Variants in ADAMTSL1 observed in about 807,000 individuals in gnomAD.
ADAMTSL1 encodes the protein ADAMTS-like protein 1.
ADAMTSL1 carries 126 observed loss-of-function variants against 201.8 expected under a neutral mutation model. The observed-to-expected ratio is 0.62, with a 90% CI of 0.54 to 0.72. The LOEUF (loss-of-function observed/expected upper bound fraction) is 0.72. Among genes scored for constraint, ADAMTSL1 ranks in the 30% least tolerant of loss-of-function variants. The pLI is 0.00. For missense variants in ADAMTSL1, 2,679 were observed against 2,277.8 expected (o/e 1.18, Z -3.59); for synonymous variants, 1,121 against 903.4 (o/e 1.24, Z -4.32).
chr9:18,861,287 G>A (rs1827200388), intron 23 of ADAMTSL1, among the ~76,000 whole-genome samples: 2 of 152,206 alleles, frequency 1.3e-5, no homozygotes, highest in Admixed American at 6.5e-5. Context: ...ATTCAATCAA[G>A]TTATCAATTC....
intron 5 of ADAMTSL1, among the ~76,000 whole-genome samples, chr9:18,626,543 G>C: frequency 6.6e-6 from 1 of 152,220 alleles, no homozygotes. Flanking sequence ...GTTTCAAAAA[G>C]GCTAGAGAAA....
chr9:18,161,031 G>C (rs1261091538), intron 1 of ADAMTSL1, among the ~76,000 whole-genome samples: 1 of 151,546 alleles, frequency 6.6e-6, no homozygotes, highest in Non-Finnish European at 1.5e-5. Flanking sequence ...TTTTTGCCTT[G>C]ATATTACATA....
In ADAMTSL1 at chr9:18,649,161, T is replaced by C. The variant is rs190063116; in HGVS notation, c.835-8478T>C. Among the ~76,000 whole-genome samples, 467 of 152,376 alleles carry C rather than the reference T, an allele frequency of 3.1e-3. 3 individuals carry two copies. The highest frequency in any genetic ancestry group is 0.017 in the Middle Eastern group (5 of 294). Reference sequence around the variant, plus strand: ...TTTCATCTTCCCTGACTGATAACCTTTCTTCCAGTTGATTGCATCAGCTCC... The same window carrying C: ...TTTCATCTTCCCTGACTGATAACCTCTCTTCCAGTTGATTGCATCAGCTCC... On this transcript the variant is annotated intron_variant, in intron 7 of 28. Coordinates refer to ENST00000380548, the MANE Select transcript of ADAMTSL1 (RefSeq NM_001040272.6).
At chr9:18,566,859 C>T (rs1055569865) in intron 3 of ADAMTSL1, among the ~76,000 whole-genome samples, 6 of 152,124 alleles carry the variant, frequency 3.9e-5, no homozygotes, top group Admixed American at 1.3e-4. Context: ...ATTGCAAGAA[C>T]GCAGGCATGA....
chr9:18,680,472 A>C lies in ADAMTSL1; in HGVS notation c.1297A>C (p.Asn433His), dbSNP rs769841972. The change falls in exon 11 of 29, where the codon AAC becomes CAC. Residue 433 changes from asparagine (N) to histidine (H), a missense_variant. Coordinates refer to ENST00000380548, the MANE Select transcript of ADAMTSL1 (RefSeq NM_001040272.6). ...TAAGATGCCCATCGCGCAGCCCTGC[A>C]ACATTTTTGACTGCCCTAAATGGCT... ...TPKMPIAQPC[N>H]IFDCPKWLAQ... 1.2e-6 allele frequency: 2 copies of C among 1,614,164 alleles called. No homozygotes were observed. Among genetic ancestry groups the C allele is most frequent in the Non-Finnish European group, 1.7e-6 (2 of 1,180,018 alleles).
intron 2 of ADAMTSL1, among the ~76,000 whole-genome samples, chr9:18,199,058 A>G (rs941746565): frequency 1.4e-5 from 2 of 144,688 alleles, no homozygotes; most frequent in African/African-American, 2.5e-5. Context: ...GAATTGAACA[A>G]TGAGAACACA....
intron 1 of ADAMTSL1, among the ~76,000 whole-genome samples, chr9:17,926,446 T>G (rs1335116802): frequency 6.6e-6 from 1 of 151,974 alleles, no homozygotes; most frequent in East Asian, 1.9e-4. Context: ...TCACTGGGCG[T>G]ACTCAGGAAT....
intron 1 of ADAMTSL1, among the ~76,000 whole-genome samples, chr9:17,948,128 T>G (rs1440125825): frequency 2.0e-5 from 3 of 152,190 alleles, no homozygotes; most frequent in African/African-American, 7.2e-5. Context: ...ATATGAATTT[T>G]CAGTTTTTGA....
intron 1 of ADAMTSL1, among the ~76,000 whole-genome samples, chr9:18,040,060 G>A (rs1450614552): frequency 3.3e-5 from 5 of 152,244 alleles, no homozygotes; most frequent in Admixed American, 3.3e-4. Flanking sequence ...TGTCTGTTTT[G>A]TCATTTATTC....
chr9:18,457,467 C>T (rs1011351110), intron 2 of ADAMTSL1, among the ~76,000 whole-genome samples: 10 of 152,104 alleles, frequency 6.6e-5, no homozygotes, highest in Non-Finnish European at 1.0e-4. Context: ...GAGTGGCTGG[C>T]TAGGACTACA....
chr9:18,011,295 T>G (rs894338950), intron 1 of ADAMTSL1, among the ~76,000 whole-genome samples: 5 of 152,078 alleles, frequency 3.3e-5, no homozygotes, highest in African/African-American at 1.2e-4. Context: ...TCATAATCTT[T>G]GTCTCAAATA....
intron 2 of ADAMTSL1, among the ~76,000 whole-genome samples, chr9:18,314,041 C>G (rs1406564369): frequency 6.6e-6 from 1 of 152,072 alleles, no homozygotes; most frequent in African/African-American, 2.4e-5. Context: ...AAATGTTTCT[C>G]CAAGGACAAC....
intron 2 of ADAMTSL1, among the ~76,000 whole-genome samples, chr9:18,223,264 G>T (rs1014053992): frequency 6.6e-6 from 1 of 152,026 alleles, no homozygotes; most frequent in African/African-American, 2.4e-5. Context: ...GTCAATTTCA[G>T]ATTTGGGGGT....
chr9:18,620,016 T>C (rs1260531947), intron 4 of ADAMTSL1, among the ~76,000 whole-genome samples: 8 of 64,118 alleles, frequency 1.2e-4, no homozygotes, highest in African/African-American at 6.2e-4. Flanking sequence ...AGTTTTCTGA[T>C]TTTTTTTTTT....
chr9:18,860,012 T>A (rs945213698), intron 23 of ADAMTSL1, among the ~76,000 whole-genome samples: 1 of 152,224 alleles, frequency 6.6e-6, no homozygotes, highest in Non-Finnish European at 1.5e-5. Flanking sequence ...TGCCTAATGA[T>A]GTGTGTGCAT....
At chr9:18,713,489 A>G (rs1832733175) in intron 14 of ADAMTSL1, among the ~76,000 whole-genome samples, 1 of 152,138 alleles carries the variant, frequency 6.6e-6, no homozygotes, top group Non-Finnish European at 1.5e-5. Flanking sequence ...ACAAAGATCA[A>G]AAGAGACAAA....
intron 23 of ADAMTSL1, 93 bp downstream of exon 23, chr9:18,830,070 G>A: frequency 6.7e-7 from 1 of 1,482,666 alleles, no homozygotes; most frequent in Non-Finnish European, 9.1e-7. Context: ...GGAGGCAGCA[G>A]TCGGGGGTGG....
At chr9:18,354,048 C>CATACAT (rs1836096288) in intron 2 of ADAMTSL1, among the ~76,000 whole-genome samples, 1 of 142,576 alleles carries the variant, frequency 7.0e-6, no homozygotes, top group Non-Finnish European at 1.5e-5. Context: ...TTTTTCTATA[C>CATACAT]ATATATATAT....
intron 23 of ADAMTSL1, among the ~76,000 whole-genome samples, chr9:18,836,765 T>A (rs576865498): frequency 3.7e-4 from 57 of 152,352 alleles, no homozygotes; most frequent in Middle Eastern, 3.4e-3. Flanking sequence ...ATGTCATCTA[T>A]GATTTCTTTC....
Sources: allele counts gnomAD v4.1 joint callset (sites outside exome capture counted in the v4.1 genomes callset), GRCh38; gene constraint gnomAD v4.1.1; transcripts MANE v1.5; gene names NCBI Gene and HGNC (gene_info 2026-07-23, HGNC 2026-07-21).